The following KIRREL3 variants were observed in gnomAD, a reference collection of about 807,000 sequenced individuals.
KIRREL3 encodes kin of IRRE-like protein 3.
Under a neutral mutation model 89.7 loss-of-function variants are expected in KIRREL3, and 36 were observed. That is an observed-to-expected ratio of 0.40 (90% CI 0.31 to 0.53). The LOEUF (loss-of-function observed/expected upper bound fraction) is 0.53. KIRREL3 is among the 20% of genes least tolerant of loss of function. The pLI, the probability that KIRREL3 is intolerant of heterozygous loss-of-function variation, is 0.49. For synonymous variants in KIRREL3, 445 were observed against 441.4 expected, an observed-to-expected ratio of 1.01 and a Z score of -0.10; for missense variants, 864 against 1,056.6, an observed-to-expected ratio of 0.82 and a Z score of 2.53.
chr11:126,769,001 T>C lies in KIRREL3; in HGVS notation c.56-206089A>G, dbSNP rs978158909. On this transcript the variant is annotated intron_variant, in intron 1 of 16. Coordinates refer to ENST00000525144, the MANE Select transcript of KIRREL3 (RefSeq NM_032531.4). This position sits in a 1 kb window ranked among gnomAD's most constrained non-coding sequence, Gnocchi z 4.3. ...TGATCACGACTTGCAGTTTCCCAAA[T>C]ACACATTTCCGCAGCACATTTCCAT... is the stretch of plus-strand genomic sequence containing the variant. 6.6e-6 allele frequency among the ~76,000 whole-genome samples: 1 copy of C among 152,216 alleles called. No homozygotes were observed. Among genetic ancestry groups the C allele is most frequent in the Non-Finnish European group, 1.5e-5 (1 of 68,038 alleles).
At chr11:126,711,964 C>T (rs1279451585) in intron 1 of KIRREL3, among the ~76,000 whole-genome samples, 1 of 152,206 alleles carries the variant, frequency 6.6e-6, no homozygotes, top group Non-Finnish European at 1.5e-5. Context: ...GAAACGCCTC[C>T]TCTGGGGTCC....
At chr11:126,678,312 G>A (rs1946288457) in intron 1 of KIRREL3, among the ~76,000 whole-genome samples, 1 of 151,346 alleles carries the variant, frequency 6.6e-6, no homozygotes, top group South Asian at 2.1e-4. Flanking sequence ...GAGATAAGAA[G>A]TGAAGGGGTC....
chr11:126,935,954 T>C (rs1323578309), intron 1 of KIRREL3: 3 of 152,196 alleles, frequency 2.0e-5, no homozygotes, highest in African/African-American at 4.8e-5. Flanking sequence ...GAGATATCAA[T>C]ACTGGGGGAG....
chr11:126,958,102 G>A (rs1948976180), intron 1 of KIRREL3, among the ~76,000 whole-genome samples: 2 of 152,164 alleles, frequency 1.3e-5, no homozygotes, highest in South Asian at 4.1e-4. Context: ...AAGAGTTAAA[G>A]GAGATAATGT....
At position 126,668,086 on chromosome 11, in the gene KIRREL3, G is replaced by T. The variant is rs930664606; in HGVS notation, c.56-105174C>A. On this transcript the variant is annotated intron_variant, in intron 1 of 16. Transcript: ENST00000525144. This position sits in a 1 kb window ranked among gnomAD's most constrained non-coding sequence, Gnocchi z 4.4. ...GAGCCCCTGTGTCTTAGTCAGTTTC[G>T]GCTATAACAAAACACCATAAACTGG... 6.6e-6 allele frequency among the ~76,000 whole-genome samples: 1 copy of T among 152,016 alleles called. No individual in the cohort carries two copies. Among genetic ancestry groups the T allele is most frequent in the African/African-American group, 2.4e-5 (1 of 41,370 alleles).
Position 126,531,507 on chromosome 11 carries a change from C to A in KIRREL3, c.134-4820G>T, listed in dbSNP as rs1385994140. 1.3e-5 allele frequency among the ~76,000 whole-genome samples: 2 copies of A among 152,154 alleles called. No individual in the cohort carries two copies. Among genetic ancestry groups the A allele is most frequent in the African/African-American group, 4.8e-5 (2 of 41,418 alleles). The stretch of plus-strand genomic sequence containing the variant: ...GCTGGCTAGTCACTAAGGTCACCTG[C>A]CTCGAGTTCTCCTCGATGTTTCATT... On this transcript the variant is annotated intron_variant, in intron 2 of 16. Coordinates refer to ENST00000525144, the MANE Select transcript of KIRREL3 (RefSeq NM_032531.4). The surrounding 1 kb of genome is among the most constrained non-coding windows in gnomAD (Gnocchi z 4.7).
chr11:126,425,110 T>C (rs1954890668), intron 16 of KIRREL3, 87 bp from the exon 17 acceptor site: 2 of 1,269,018 alleles, frequency 1.6e-6, no homozygotes, highest in Non-Finnish European at 2.1e-6. Flanking sequence ...CGTCCCCTTA[T>C]GCGGGGAGGG....
intron 3 of KIRREL3, among the ~76,000 whole-genome samples, chr11:126,524,175 A>G (rs192622665): frequency 6.6e-6 from 1 of 152,266 alleles, no homozygotes; most frequent in Non-Finnish European, 1.5e-5. Context: ...TGCCTCATAG[A>G]CTACTTACTA....
At chr11:126,798,035 C>G (rs1416354538) in intron 1 of KIRREL3, among the ~76,000 whole-genome samples, 2 of 152,108 alleles carry the variant, frequency 1.3e-5, no homozygotes, top group Non-Finnish European at 2.9e-5. Flanking sequence ...TTTCTGCTCC[C>G]CACTGTGAGA....
chr11:126,895,590 C>T (rs544866736), intron 1 of KIRREL3, among the ~76,000 whole-genome samples: 123 of 152,194 alleles, frequency 8.1e-4, no homozygotes, highest in South Asian at 6.6e-3. Context: ...CTCCTGCCAT[C>T]CTTTTAAGGG....
rs927022862 is a variant in KIRREL3 at position 126,773,492 on chromosome 11, A to G, written c.56-210580T>C. ...GTTGTGTGAGCCAGTCCCTTAAAAT[A>G]AATCTGTCTTTCTCTATATATCGCT... On this transcript the variant is annotated intron_variant, in intron 1 of 16. Transcript: ENST00000525144. The surrounding 1 kb of genome is among the most constrained non-coding windows in gnomAD (Gnocchi z 4.2). Among the ~76,000 whole-genome samples the G allele has an allele frequency of 6.6e-6, 1 of 152,222 alleles. No individual in the cohort carries two copies. The highest frequency in any genetic ancestry group is 2.4e-5 in the African/African-American group (1 of 41,448).
intron 1 of KIRREL3, among the ~76,000 whole-genome samples, chr11:126,967,420 C>T (rs1335970410): frequency 6.6e-6 from 1 of 152,118 alleles, no homozygotes; most frequent in Non-Finnish European, 1.5e-5. Flanking sequence ...GAAGATCTGC[C>T]TTCTGGCCTC....
intron 10 of KIRREL3, among the ~76,000 whole-genome samples, chr11:126,442,144 C>A (rs1477009534): frequency 6.6e-6 from 1 of 151,374 alleles, no homozygotes; most frequent in Non-Finnish European, 1.5e-5. Context: ...ATTATTTAGC[C>A]TCCCTACTTG....
intron 1 of KIRREL3, among the ~76,000 whole-genome samples, chr11:126,738,973 C>T (rs1245059686): frequency 6.6e-6 from 1 of 152,196 alleles, no homozygotes; most frequent in Non-Finnish European, 1.5e-5. Context: ...TACTGTGTTC[C>T]AGGTGGCTCA....
intron 1 of KIRREL3, among the ~76,000 whole-genome samples, chr11:126,760,738 T>C (rs1231243013): frequency 1.3e-5 from 2 of 152,220 alleles, no homozygotes; most frequent in Non-Finnish European, 2.9e-5. Flanking sequence ...CTCAGCTCCA[T>C]CATTTATCAG....
rs1055173139 is a variant in KIRREL3 at position 126,527,523 on chromosome 11, G to A, written c.134-836C>T. On this transcript the variant is annotated intron_variant, in intron 2 of 16. Transcript: ENST00000525144. This position sits in a 1 kb window ranked among gnomAD's most constrained non-coding sequence, Gnocchi z 4.2. ...TCATCGTCATAACAACCTAAAAATA[G>A]TAGGCACTATTTTTATCCCCATTTT... Among the ~76,000 whole-genome samples, 8 of 152,124 alleles carry A rather than the reference G, an allele frequency of 5.3e-5. No homozygotes were observed. In the South Asian group the frequency reaches 6.2e-4, roughly 12 times the overall value.
Position 126,752,219 on chromosome 11 carries a change from T to C in KIRREL3, c.56-189307A>G, listed in dbSNP as rs1295200368. Among the ~76,000 whole-genome samples, 4 of 152,192 alleles carry C rather than the reference T, an allele frequency of 2.6e-5. No homozygotes were observed. The highest frequency in any genetic ancestry group is 5.9e-5 in the Non-Finnish European group (4 of 68,026). On this transcript the variant is annotated intron_variant, in intron 1 of 16. Transcript: ENST00000525144. This position sits in a 1 kb window ranked among gnomAD's most constrained non-coding sequence, Gnocchi z 4.8. ...AGCGTGGGTTGGTTGGGGGGGTTTC[T>C]TGAAGCATTGTAGCTCCCATTATTC...
chr11:126,959,990 T>C (rs1361404463), intron 1 of KIRREL3, among the ~76,000 whole-genome samples: 3 of 152,122 alleles, frequency 2.0e-5, no homozygotes, highest in Non-Finnish European at 2.9e-5. Flanking sequence ...TGATCCACTG[T>C]TTATTGTTTT....
intron 1 of KIRREL3, among the ~76,000 whole-genome samples, chr11:126,922,121 G>A (rs11220663): frequency 1.9e-3 from 266 of 140,070 alleles, no homozygotes; most frequent in African/African-American, 3.0e-3. Context: ...CTATCTGTCT[G>A]TCTATCTATC....
Sources: allele counts gnomAD v4.1 joint callset (sites outside exome capture counted in the v4.1 genomes callset), GRCh38; gene constraint gnomAD v4.1.1; non-coding constraint Gnocchi (gnomAD v3.1); transcripts MANE v1.5; gene names NCBI Gene and HGNC (gene_info 2026-07-23, HGNC 2026-07-21).